Variants in SAXO1 observed in about 807,000 individuals in gnomAD.
SAXO1 encodes stabilizer of axonemal microtubules 1.
A neutral mutation model predicts 17.5 loss-of-function variants in SAXO1; 21 were observed. That is an observed-to-expected ratio of 1.20 (90% CI 0.85 to 1.72). The LOEUF is 1.72. Among genes scored for constraint, SAXO1 ranks in the 40% most tolerant of loss-of-function variants. SAXO1 has a pLI of 0.00. For missense variants in SAXO1, 843 were observed against 596.0 expected (o/e 1.41, Z -4.32); for synonymous variants, 274 against 216.5 (o/e 1.27, Z -2.33).
At chr9:19,027,048 A>G (rs1421754316) in intron 1 of SAXO1, 3 of 839,790 alleles carry the variant, frequency 3.6e-6, no homozygotes, top group Admixed American at 1.7e-5. Context: ...GCTCCAAGCC[A>G]TGAAGGACAA....
rs140055009 is a variant in SAXO1, at chr9:18,966,394, G to A, written c.39-15457C>T. Among the ~76,000 whole-genome samples the A allele has an allele frequency of 2.5e-3, 379 of 152,204 alleles. 1 individual carries two copies. Among genetic ancestry groups the A allele is most frequent in the African/African-American group, 8.7e-3 (362 of 41,534 alleles). On this transcript the variant is annotated intron_variant, in intron 1 of 3. Coordinates refer to ENST00000380534, the MANE Select transcript of SAXO1 (RefSeq NM_153707.4). ...GGTATACCAATCAAAAGTGGGTTTG[G>A]TCTTTTCATACAGTCCCATATTTCT... is the stretch of plus-strand genomic sequence containing the variant.
intron 1 of SAXO1, among the ~76,000 whole-genome samples, chr9:18,994,436 G>C (rs1163657593): frequency 1.3e-5 from 2 of 152,186 alleles, no homozygotes. Flanking sequence ...TTATTTATTA[G>C]TTGTTATTTA....
At chr9:19,025,308 A>C (rs1835428496) in intron 1 of SAXO1, among the ~76,000 whole-genome samples, 1 of 152,070 alleles carries the variant, frequency 6.6e-6, no homozygotes, top group Non-Finnish European at 1.5e-5. Context: ...AGTCAATTTT[A>C]TTTAAATTAA....
intron 2 of SAXO1, chr9:18,947,717 GCAGATTCTACAC>G (rs1196667971): frequency 6.6e-6 from 1 of 152,092 alleles, no homozygotes; most frequent in Non-Finnish European, 1.5e-5. Context: ...TGAAGTAAAG[GCAGATTCTACAC>G]CAGAGAATTA....
chr9:18,991,677 G>A (rs953597603), intron 1 of SAXO1, among the ~76,000 whole-genome samples: 3 of 152,056 alleles, frequency 2.0e-5, no homozygotes, highest in Non-Finnish European at 2.9e-5. Flanking sequence ...TACCAAACCT[G>A]CACATTGTGC....
At chr9:18,981,230 A>T (rs188663606) in intron 1 of SAXO1, among the ~76,000 whole-genome samples, 2 of 152,184 alleles carry the variant, frequency 1.3e-5, no homozygotes, top group Non-Finnish European at 2.9e-5. Flanking sequence ...AGGGAAAGAA[A>T]GGAAGAGAAA....
intron 3 of SAXO1, among the ~76,000 whole-genome samples, chr9:18,938,927 T>A (rs573020178): frequency 6.6e-6 from 1 of 151,472 alleles, no homozygotes; most frequent in Non-Finnish European, 1.5e-5. Flanking sequence ...ATGCTACATA[T>A]AGACCTCCTC....
rs1367772450 is a variant in SAXO1 at position 19,021,919 on chromosome 9, C to G, written c.38+10952G>C. 2.7e-5 allele frequency among the ~76,000 whole-genome samples: 4 copies of G among 148,942 alleles called. No homozygotes were observed. The Admixed American group carries it at 2.7e-4, about 10-fold the overall frequency. On this transcript the variant is annotated intron_variant, in intron 1 of 3. Coordinates refer to ENST00000380534, the MANE Select transcript of SAXO1 (RefSeq NM_153707.4). ...CAATCAGAAGGATGTGGGCAGGGCC[C>G]AGTAAGGAAATAAAAGCTGGCCACC...
intron 1 of SAXO1, among the ~76,000 whole-genome samples, chr9:18,986,915 T>C (rs1833617357): frequency 6.6e-6 from 1 of 152,208 alleles, no homozygotes; most frequent in Admixed American, 6.6e-5. Flanking sequence ...GTAAAATGTA[T>C]TGAGGAAGGG....
intron 1 of SAXO1, among the ~76,000 whole-genome samples, chr9:19,008,868 C>T (rs958348848): frequency 1.3e-5 from 2 of 152,116 alleles, no homozygotes; most frequent in Admixed American, 1.3e-4. Context: ...TCTCTGGGAG[C>T]CCTTTTCAGC....
chr9:18,954,465 T>C (rs1342376883), intron 1 of SAXO1, among the ~76,000 whole-genome samples: 2 of 151,992 alleles, frequency 1.3e-5, no homozygotes, highest in South Asian at 2.1e-4. Context: ...GCCTCCCAAG[T>C]AGCTGGGACC....
Position 18,928,596 on chromosome 9 carries a change from T to A in SAXO1, c.881A>T (p.Tyr294Phe). 1 of 1,614,120 alleles carries A rather than the reference T, an allele frequency of 6.2e-7. No individual in the cohort carries two copies. The highest frequency in any genetic ancestry group is 8.5e-7 in the Non-Finnish European group (1 of 1,180,020). ...ATCCATCCTGTCTTCGGGAGGGACG[T>A]AGGTGATGGGAGCTTTGGAGAACAT... The part of the protein sequence containing the change: ...PRMFSKAPIT[Y>F]VPPEDRMDLL... Residue 294 changes from tyrosine to phenylalanine, a missense_variant, in exon 4 of 4, where the codon TAC (tyrosine) becomes TTC (phenylalanine). Transcript: ENST00000380534.
chr9:18,996,079 C>CAAAAA (rs61569381), intron 1 of SAXO1, among the ~76,000 whole-genome samples: 1 of 140,094 alleles, frequency 7.1e-6, no homozygotes. Context: ...AACTACATCT[C>CAAAAA]AAAAAAAAAA....
intron 1 of SAXO1, among the ~76,000 whole-genome samples, chr9:18,978,809 G>A (rs1041250225): frequency 2.6e-5 from 4 of 152,152 alleles, no homozygotes; most frequent in African/African-American, 9.7e-5. Flanking sequence ...ATTTGCCCAA[G>A]AGCCAAGATC....
intron 3 of SAXO1, among the ~76,000 whole-genome samples, chr9:18,936,000 CA>C (rs966493067): frequency 2.0e-5 from 3 of 152,134 alleles, no homozygotes; most frequent in African/African-American, 7.2e-5. Context: ...CAAGGTGCCA[CA>C]GTTTCTTTAA....
intron 2 of SAXO1, among the ~76,000 whole-genome samples, chr9:18,949,185 T>A (rs1418301370): frequency 2.0e-5 from 3 of 152,238 alleles, no homozygotes; most frequent in African/African-American, 7.2e-5. Context: ...TACAATGTTT[T>A]AATACATCAG....
At chr9:19,012,530 G>A (rs1260896973) in intron 1 of SAXO1, among the ~76,000 whole-genome samples, 2 of 152,182 alleles carry the variant, frequency 1.3e-5, no homozygotes, top group African/African-American at 2.4e-5. Context: ...TATGGGGGAC[G>A]GTGGGCACAG....
chr9:18,983,512 T>TCAA (rs988262544), intron 1 of SAXO1, among the ~76,000 whole-genome samples: 5 of 152,340 alleles, frequency 3.3e-5, no homozygotes, highest in South Asian at 2.1e-4. Context: ...TGCTATTATT[T>TCAA]CAACAATGTT....
At chr9:18,969,591 T>TA (rs1832867968) in intron 1 of SAXO1, among the ~76,000 whole-genome samples, 1 of 152,202 alleles carries the variant, frequency 6.6e-6, no homozygotes, top group Non-Finnish European at 1.5e-5. Context: ...TCCACAATAT[T>TA]AAAAAATGCT....
Sources: gnomAD v4.1 joint callset for allele counts (sites outside exome capture counted in the v4.1 genomes callset) on GRCh38, gnomAD v4.1.1 for gene constraint, MANE v1.5 for transcripts, NCBI Gene and HGNC (gene_info 2026-07-23, HGNC 2026-07-21) for gene names.